The following ANGPT1 variants were observed in gnomAD, a reference collection of about 807,000 sequenced individuals.
ANGPT1 encodes angiopoietin 1, also known as angiopoietin-1.
ANGPT1 carries 17 observed loss-of-function variants against 62.2 expected under a neutral mutation model. The observed-to-expected ratio is 0.27, with a 90% confidence interval of 0.19 to 0.41. ANGPT1 has a LOEUF of 0.41. Among genes scored for constraint, ANGPT1 ranks in the 10% least tolerant of loss-of-function variants. The pLI, the probability that ANGPT1 is intolerant of heterozygous loss-of-function variation, is 1.00. For synonymous variants in ANGPT1, 199 were observed against 198.9 expected (o/e 1.00, Z 0.00); for missense variants, 478 against 594.9 (o/e 0.80, Z 2.04).
chr8:107,461,082 A>G (rs1812059463), intron 1 of ANGPT1, among the ~76,000 whole-genome samples: 1 of 152,178 alleles, frequency 6.6e-6, no homozygotes, highest in African/African-American at 2.4e-5. Context: ...TTATCTAAAT[A>G]TGTGTAACTA....
intron 6 of ANGPT1, among the ~76,000 whole-genome samples, chr8:107,289,740 G>C (rs1236661031): frequency 6.6e-6 from 1 of 152,108 alleles, no homozygotes; most frequent in Non-Finnish European, 1.5e-5. Context: ...TGAAATTTTT[G>C]AGTGGATAGG....
intron 1 of ANGPT1, among the ~76,000 whole-genome samples, chr8:107,477,087 T>C (rs1159979402): frequency 6.6e-6 from 1 of 152,144 alleles, no homozygotes. Flanking sequence ...TGTTTATGCC[T>C]ATGTCCTTTA....
Position 107,284,838 on chromosome 8 carries a change from T to A in ANGPT1, c.1049A>T (p.Asn350Ile). ...CCCCAGCCAATATTCACCGGAGGGATTTCCAAAACCCTGGGAAACAATATA... is the reference window on the plus strand; with the variant it reads ...CCCCAGCCAATATTCACCGGAGGGAATTCCAAAACCCTGGGAAACAATATA... ...GWKEYKMGFG[N>I]PSGEYWLGNE... Residue 350 changes from asparagine to isoleucine, a missense_variant, in exon 7 of 9, where the codon AAT (asparagine) becomes ATT (isoleucine). Transcript: ENST00000517746. The A allele has an allele frequency of 6.3e-7, 1 of 1,595,634 alleles. No homozygotes were observed. The highest frequency in any genetic ancestry group is 2.2e-5 in the East Asian group (1 of 44,600).
intron 1 of ANGPT1, among the ~76,000 whole-genome samples, chr8:107,481,267 G>C (rs1386851266): frequency 1.3e-5 from 2 of 152,130 alleles, no homozygotes; most frequent in Admixed American, 1.3e-4. Context: ...AGGTGAGGTG[G>C]CTCATGCCTG....
At chr8:107,287,065 C>T (rs1814158949) in intron 6 of ANGPT1, among the ~76,000 whole-genome samples, 1 of 152,146 alleles carries the variant, frequency 6.6e-6, no homozygotes, top group Non-Finnish European at 1.5e-5. Context: ...CATGTCAAAA[C>T]TCTCCCTCTT....
chr8:107,285,285 C>A (rs992567674), intron 6 of ANGPT1, among the ~76,000 whole-genome samples: 1 of 152,016 alleles, frequency 6.6e-6, no homozygotes, highest in African/African-American at 2.4e-5. Context: ...TATTATTATT[C>A]ACAAATGCAA....
rs575413461 is a variant in ANGPT1 at position 107,275,881 on chromosome 8, T to C, written c.1205+8801A>G. 2.0e-5 allele frequency among the ~76,000 whole-genome samples: 3 copies of C among 152,192 alleles called. No homozygotes were observed. The East Asian group carries it at 5.8e-4, about 29-fold the overall frequency. On this transcript the variant is annotated intron_variant, in intron 7 of 8. Coordinates refer to ENST00000517746, the MANE Select transcript of ANGPT1 (RefSeq NM_001146.5). ...GTTTCTAGGACAGCAGTGGTCTGAG[T>C]CTTAGCATTACCCATTCTGTGACAG...
chr8:107,416,238 C>A (rs1366068924), intron 1 of ANGPT1, among the ~76,000 whole-genome samples: 1 of 152,178 alleles, frequency 6.6e-6, no homozygotes, highest in Non-Finnish European at 1.5e-5. Context: ...GCCTCTGGAA[C>A]TTCTCACCAA....
chr8:107,483,684 C>A (rs1392113671), intron 1 of ANGPT1, among the ~76,000 whole-genome samples: 1 of 152,070 alleles, frequency 6.6e-6, no homozygotes, highest in East Asian at 1.9e-4. Context: ...TTAAATGATT[C>A]TCCTCTATTG....
intron 6 of ANGPT1, among the ~76,000 whole-genome samples, chr8:107,286,680 A>G (rs184700650): frequency 1.3e-5 from 2 of 152,220 alleles, no homozygotes; most frequent in East Asian, 3.9e-4. Flanking sequence ...CTTGGTCCAG[A>G]TTGCATTGAG....
chr8:107,456,466 A>C (rs925139179), intron 1 of ANGPT1, among the ~76,000 whole-genome samples: 3 of 152,086 alleles, frequency 2.0e-5, no homozygotes, highest in Admixed American at 1.3e-4. Flanking sequence ...TTCATGGATG[A>C]TTAAAAGTCA....
chr8:107,469,249 C>A (rs1015065072), intron 1 of ANGPT1, among the ~76,000 whole-genome samples: 2 of 151,954 alleles, frequency 1.3e-5, no homozygotes, highest in African/African-American at 4.8e-5. Context: ...TTGACCAAAT[C>A]CAATCTTTTA....
At chr8:107,461,591 C>T (rs1812074121) in intron 1 of ANGPT1, among the ~76,000 whole-genome samples, 1 of 152,064 alleles carries the variant, frequency 6.6e-6, no homozygotes, top group Non-Finnish European at 1.5e-5. Flanking sequence ...TCAATAAATA[C>T]ATTAAAAATC....
intron 7 of ANGPT1, among the ~76,000 whole-genome samples, chr8:107,265,095 T>C (rs1481150993): frequency 6.6e-6 from 1 of 151,840 alleles, no homozygotes; most frequent in African/African-American, 2.4e-5. Flanking sequence ...ATCTGTTTAA[T>C]ATGGCATTCT....
intron 1 of ANGPT1, among the ~76,000 whole-genome samples, chr8:107,458,040 C>A (rs1368960564): frequency 2.0e-5 from 3 of 152,046 alleles, no homozygotes; most frequent in Non-Finnish European, 2.9e-5. Flanking sequence ...CATCTGATTT[C>A]TGTTCAGTTT....
intron 1 of ANGPT1, among the ~76,000 whole-genome samples, chr8:107,399,374 A>C (rs549383133): frequency 3.9e-5 from 6 of 152,314 alleles, no homozygotes; most frequent in African/African-American, 1.4e-4. Context: ...ATGTTATAAC[A>C]TGTTAAGTAA....
intron 4 of ANGPT1, among the ~76,000 whole-genome samples, chr8:107,313,606 AT>A (rs1163888071): frequency 1.1e-4 from 16 of 146,554 alleles, no homozygotes; most frequent in East Asian, 2.0e-4. Context: ...CTCCTGGCTA[AT>A]TTTTTTTTTG....
intron 3 of ANGPT1, among the ~76,000 whole-genome samples, chr8:107,331,119 T>G (rs1815409898): frequency 6.6e-6 from 1 of 152,158 alleles, no homozygotes; most frequent in Non-Finnish European, 1.5e-5. Context: ...AAAGATAGCT[T>G]TAATTTAAAA....
At chr8:107,279,978 G>A (rs920483061) in intron 7 of ANGPT1, among the ~76,000 whole-genome samples, 1 of 151,998 alleles carries the variant, frequency 6.6e-6, no homozygotes, top group African/African-American at 2.4e-5. Flanking sequence ...CCCAGGATCC[G>A]TGGCAGAGTG....
Sources: gnomAD v4.1 joint callset for allele counts (sites outside exome capture counted in the v4.1 genomes callset) on GRCh38, gnomAD v4.1.1 for gene constraint, MANE v1.5 for transcripts, NCBI Gene and HGNC (gene_info 2026-07-23, HGNC 2026-07-21) for gene names.